Variants in ARK2N observed in about 807,000 individuals in gnomAD.
The protein encoded by ARK2N is arkadia (RNF111) N-terminal like PKA signaling regulator 2N, also known as protein ARK2N.
At chr18:46,246,898 A>T in the ARK2N span, among the ~76,000 whole-genome samples, 3 of 151,078 alleles carry the variant, frequency 2.0e-5, no homozygotes, top group Admixed American at 2.0e-4. Flanking sequence ...CTGAGATCAC[A>T]TCTTTGCACT....
the ARK2N span, chr18:46,232,366 T>A: frequency 6.6e-6 from 1 of 152,162 alleles, no homozygotes; most frequent in African/African-American, 2.4e-5. Context: ...TCTCCCCTTT[T>A]AAAAAATTAT....
the ARK2N span, among the ~76,000 whole-genome samples, chr18:46,256,379 T>A: frequency 6.6e-6 from 1 of 151,606 alleles, no homozygotes; most frequent in Non-Finnish European, 1.5e-5. Flanking sequence ...GCTTCTTTGT[T>A]CAATGTTTCT....
At chr18:46,229,426 C>T in the ARK2N span, among the ~76,000 whole-genome samples, 1 of 151,884 alleles carries the variant, frequency 6.6e-6, no homozygotes, top group Non-Finnish European at 1.5e-5. Flanking sequence ...CAGCTCACTG[C>T]AAGCTCCGTC....
the ARK2N span, chr18:46,215,737 T>C: frequency 1.4e-6 from 1 of 735,688 alleles, no homozygotes; most frequent in Non-Finnish European, 2.2e-6. Context: ...CCCCACCCAC[T>C]TAGAAAGGTA....
the ARK2N span, among the ~76,000 whole-genome samples, chr18:46,256,975 A>C: frequency 6.6e-6 from 1 of 151,954 alleles, no homozygotes; most frequent in Non-Finnish European, 1.5e-5. Context: ...TCTGGAATTT[A>C]TTTCTTTTAC....
chr18:46,207,636 C>T, the ARK2N span, among the ~76,000 whole-genome samples: 1 of 152,106 alleles, frequency 6.6e-6, no homozygotes, highest in Non-Finnish European at 1.5e-5. Context: ...GATCCACCTG[C>T]CTTGGTGTCC....
the ARK2N span, among the ~76,000 whole-genome samples, chr18:46,176,724 T>C: frequency 6.6e-6 from 1 of 152,134 alleles, no homozygotes; most frequent in East Asian, 1.9e-4. Context: ...TTCAAGCGAT[T>C]CTCTTGCCTC....
the ARK2N span, among the ~76,000 whole-genome samples, chr18:46,259,882 C>CGTGTGTGTGTGTGTGT: frequency 2.5e-5 from 1 of 39,320 alleles, no homozygotes; most frequent in Non-Finnish European, 6.4e-5. Flanking sequence ...GTGATCCTCC[C>CGTGTGTGTGTGTGTGT]GTCTGTGTGT....
chr18:46,213,036 C>G, the ARK2N span, among the ~76,000 whole-genome samples: 7 of 113,332 alleles, frequency 6.2e-5, no homozygotes, highest in African/African-American at 2.3e-4. Context: ...AAGTCTCACT[C>G]TGTCGCCCAG....
the ARK2N span, chr18:46,217,593 T>C: frequency 6.6e-6 from 1 of 152,212 alleles, no homozygotes; most frequent in Non-Finnish European, 1.5e-5. Flanking sequence ...ATTGCTGATA[T>C]ACAAAGAACA....
the ARK2N span, among the ~76,000 whole-genome samples, chr18:46,196,737 G>A: frequency 3.3e-5 from 5 of 152,196 alleles, no homozygotes; most frequent in Non-Finnish European, 7.4e-5. Flanking sequence ...GGTCAATTAT[G>A]ACTTTATGAG....
the ARK2N span, chr18:46,266,553 T>C: frequency 6.6e-6 from 1 of 152,650 alleles, no homozygotes; most frequent in Non-Finnish European, 1.5e-5. Flanking sequence ...AAAAAATCAC[T>C]GGATAACTAG....
the ARK2N span, among the ~76,000 whole-genome samples, chr18:46,245,487 C>T: frequency 6.6e-6 from 1 of 150,892 alleles, no homozygotes; most frequent in Non-Finnish European, 1.5e-5. Context: ...AGGAGAATTG[C>T]TTGATCCCGG....
chr18:46,252,553 C>T, the ARK2N span, among the ~76,000 whole-genome samples: 2 of 152,064 alleles, frequency 1.3e-5, no homozygotes, highest in Non-Finnish European at 2.9e-5. Context: ...GGATTACAGG[C>T]ATGAGCCAAA....
chr18:46,235,843 G>C, the ARK2N span, among the ~76,000 whole-genome samples: 1 of 152,226 alleles, frequency 6.6e-6, no homozygotes, highest in South Asian at 2.1e-4. Flanking sequence ...TAAAGGAAAA[G>C]TTAGGTTTTG....
chr18:46,264,999 A>T, the ARK2N span: 1 of 152,604 alleles, frequency 6.6e-6, no homozygotes, highest in Non-Finnish European at 1.5e-5. Context: ...CATGGCCACA[A>T]TTCTAGACAA....
chr18:46,191,317 A>G, the ARK2N span, among the ~76,000 whole-genome samples: 1 of 152,116 alleles, frequency 6.6e-6, no homozygotes, highest in Non-Finnish European at 1.5e-5. Context: ...TGACAAGCCA[A>G]TATTGATACA....
the ARK2N span, among the ~76,000 whole-genome samples, chr18:46,245,380 A>G: frequency 6.6e-6 from 1 of 151,994 alleles, no homozygotes; most frequent in Non-Finnish European, 1.5e-5. Flanking sequence ...AGCCTGTCCA[A>G]TATGGTGAAA....
chr18:46,184,680 C>T, the ARK2N span, among the ~76,000 whole-genome samples: 1 of 152,116 alleles, frequency 6.6e-6, no homozygotes, highest in East Asian at 1.9e-4. Context: ...TGTGATTGTG[C>T]CACTACACTC....
Sources: allele counts gnomAD v4.1 joint callset (sites outside exome capture counted in the v4.1 genomes callset), GRCh38; gene constraint gnomAD v4.1.1; transcripts MANE v1.5; gene names NCBI Gene and HGNC (gene_info 2026-07-23, HGNC 2026-07-21).